FLNA: variants seen among roughly 807,000 people sequenced by gnomAD.
FLNA encodes the protein filamin-A.
FLNA carries 7 observed loss-of-function variants against 157.6 expected under a neutral mutation model. That is an observed-to-expected ratio of 0.04 (90% CI 0.03 to 0.08). The LOEUF (loss-of-function observed/expected upper bound fraction) is 0.08. FLNA is among the 10% of genes least tolerant of loss of function. The probability of loss-of-function intolerance (pLI) is 1.00; values close to 1 mark genes in which losing one functional copy is unlikely to be tolerated. For synonymous variants in FLNA, 1,103 were observed against 1,060.8 expected, an observed-to-expected ratio of 1.04 and a Z score of -0.77; for missense variants, 1,750 against 2,398.4, an observed-to-expected ratio of 0.73 and a Z score of 5.65.
intron 30 of FLNA, 125 bp from the exon 31 acceptor site, chrX:154,355,197 G>A: frequency 1.3e-6 from 1 of 754,740 alleles, no homozygotes; most frequent in South Asian, 2.7e-5. Context: ...AGGCCGCCAG[G>A]CCTCCTGCCC....
At position 154,367,969 on chromosome X, in the gene FLNA, C is replaced by T. The variant is rs1569551873; in HGVS notation, c.495G>A (p.Lys165=). The T allele has an allele frequency of 2.5e-6, 3 of 1,211,337 alleles. No homozygotes were observed. The highest frequency in any genetic ancestry group is 2.2e-5 in the Admixed American group (1 of 46,082). ...CCAGGAGCCTCTGCTTGGGGGTCTG[C>T]TTCTTGGCCTCCTCATCCTCCTCCT... ...WDEEEDEEAK[K]QTPKQRLLGW... Residue 165 remains lysine, a synonymous_variant, in exon 3 of 48, where the codon AAG becomes AAA. Transcript: ENST00000369850.
chrX:154,369,766 C>G (rs1407864004), intron 2 of FLNA, among the ~76,000 whole-genome samples: 14 of 111,720 alleles, frequency 1.3e-4, no homozygotes, highest in African/African-American at 4.6e-4. Context: ...GAGGCTGGGA[C>G]TTGTGGGGGT....
chrX:154,356,130 T>C (rs1297705001), intron 30 of FLNA, among the ~76,000 whole-genome samples: 3 of 112,198 alleles, frequency 2.7e-5, no homozygotes, highest in Admixed American at 1.9e-4. Context: ...ATCTAGTTAG[T>C]GGCTTGGGCC....
At chrX:154,365,970 G>A (rs1418339762) in intron 9 of FLNA, 54 bp downstream of exon 9, 2 of 1,119,609 alleles carry the variant, frequency 1.8e-6, no homozygotes, top group African/African-American at 3.6e-5. Context: ...TCCCCCTCCT[G>A]TGGGAGGCCC....
chrX:154,364,954 G>A lies in FLNA; in HGVS notation c.1695C>T (p.Pro565=). ...ACTCGGTGCCCACCTTCACTTCGAA[G>A]GGACTGCAAATGCGAGAGCCACACA... ...TWGGQNIGRS[P]FEVKVGTECG... The change falls in exon 12 of 48, where the codon CCC becomes CCT. Residue 565 remains proline, a synonymous_variant. Coordinates refer to ENST00000369850, the MANE Select transcript of FLNA (RefSeq NM_001110556.2). 8.3e-7 allele frequency: 1 copy of A among 1,211,434 alleles called. No homozygotes were observed. Among genetic ancestry groups the A allele is most frequent in the Non-Finnish European group, 1.1e-6 (1 of 895,564 alleles).
chrX:154,366,492 G>A (rs372479866), intron 7 of FLNA, 22 bp from the exon 8 acceptor site: 165 of 1,209,291 alleles, frequency 1.4e-4, no homozygotes, highest in Admixed American at 5.2e-4. Context: ...AGGGTGGGCC[G>A]TGAGGGTAGG....
At chrX:154,356,134 T>C (rs1387377364) in intron 30 of FLNA, among the ~76,000 whole-genome samples, 1 of 111,997 alleles carries the variant, frequency 8.9e-6, no homozygotes, top group Non-Finnish European at 1.9e-5. Context: ...AGTTAGTGGC[T>C]TGGGCCCCAA....
chrX:154,355,031 C>T lies in FLNA; in HGVS notation c.5011G>A (p.Val1671Met), dbSNP rs782670906. The change falls in exon 31 of 48, where the codon GTG becomes ATG. Residue 1671 changes from valine (V) to methionine (M), a missense_variant. By Grantham distance (21) the Val-to-Met change is conservative. Transcript: ENST00000369850. ...GCCGCCTTAGTGTCCACAGTGATCACCGTCTCCTCCCCAATCTGAATGGTG... is the reference window on the plus strand; with the variant it reads ...GCCGCCTTAGTGTCCACAGTGATCATCGTCTCCTCCCCAATCTGAATGGTG... The part of the protein sequence containing the change: ...GPTIQIGEET[V>M]ITVDTKAAGK... 8 of 1,210,348 alleles carry T rather than the reference C, an allele frequency of 6.6e-6. No homozygotes were observed. Among genetic ancestry groups the T allele is most frequent in the Non-Finnish European group, 7.8e-6 (7 of 894,170 alleles).
In FLNA at chrX:154,350,949, T is replaced by G. The variant is rs781787371; in HGVS notation, c.7116A>C (p.Ser2372=). The G allele has an allele frequency of 5.0e-6, 6 of 1,210,704 alleles. No homozygotes were observed. Among genetic ancestry groups the G allele is most frequent in the Non-Finnish European group, 6.7e-6 (6 of 894,311 alleles). Residue 2372 remains serine, a synonymous_variant, in exon 44 of 48, where the codon TCA becomes TCC. Transcript: ENST00000369850. ...TGACATAGCACTCCTCCAGGGCTCC[T>G]GAGGGGCTGTGCACCTTGGCATCGA... is the stretch of plus-strand genomic sequence containing the variant. ...GAIDAKVHSP[S]GALEECYVTE...
intron 26 of FLNA, 98 bp from the exon 27 acceptor site, chrX:154,358,666 C>A: frequency 9.5e-7 from 1 of 1,048,944 alleles, no homozygotes; most frequent in Non-Finnish European, 1.3e-6. Flanking sequence ...CAGGCCTAGA[C>A]CTCGCTTTAT....
chrX:154,361,046 C>CAAA (rs59672916), intron 21 of FLNA, among the ~76,000 whole-genome samples: 2,149 of 20,219 alleles, frequency 0.11, 89 homozygotes, highest in Non-Finnish European at 0.14. Context: ...GACTCTTTCT[C>CAAA]AAAAAAAAAA....
In FLNA at chrX:154,348,981, G is replaced by A. The variant is rs1603358271; in HGVS notation, c.7812C>T (p.Ile2604=). ...VHGPRTPCEE[I]LVKHVGSRLY... is the part of the protein sequence containing the mutation. The stretch of plus-strand genomic sequence containing the variant: ...GCCGGCTGCCCACGTGCTTCACCAG[G>A]ATCTCCTCGCAGGGGGTCCTTGGGC... The change falls in exon 48 of 48, where the codon ATC becomes ATT. Residue 2604 remains isoleucine (I), a synonymous_variant. Transcript: ENST00000369850. The A allele has an allele frequency of 1.7e-6, 2 of 1,211,403 alleles. No homozygotes were observed. The highest frequency in any genetic ancestry group is 2.2e-6 in the Non-Finnish European group (2 of 895,356).
At chrX:154,369,647 TGGGAGGA>T (rs1455864226) in intron 2 of FLNA, among the ~76,000 whole-genome samples, 7 of 111,518 alleles carry the variant, frequency 6.3e-5, no homozygotes, top group African/African-American at 2.0e-4. Flanking sequence ...GGAGGGGAGC[TGGGAGGA>T]GGGAGGAGAC....
At chrX:154,363,302 G>T (rs5945419) in intron 15 of FLNA, among the ~76,000 whole-genome samples, 20,379 of 110,706 alleles carry the variant, frequency 0.18, 1,523 homozygotes, top group South Asian at 0.55. Context: ...TGCAATCCCA[G>T]CTACTCAGGA....
In FLNA at chrX:154,348,709, G is replaced by A. The variant is rs1232684669; in HGVS notation, c.*140C>T. Reference sequence around the variant, plus strand: ...CGGCTGGCTGGGGAGGCAGGTGAGCGCAGCACGGCACAGGGCAGGGGCGGC... The same window carrying A: ...CGGCTGGCTGGGGAGGCAGGTGAGCACAGCACGGCACAGGGCAGGGGCGGC... On this transcript the variant is annotated 3_prime_UTR_variant, in exon 48 of 48. Coordinates refer to ENST00000369850, the MANE Select transcript of FLNA (RefSeq NM_001110556.2). 13 of 530,993 alleles carry A rather than the reference G, an allele frequency of 2.4e-5. No homozygotes were observed. The highest frequency in any genetic ancestry group is 4.1e-5 in the Admixed American group (1 of 24,503). 43.8% of individuals were successfully genotyped at this position (530,993 alleles called of 1,213,427 possible). A position where few individuals can be genotyped will look rare whatever the true frequency, so the allele number is the denominator to read the frequency against.
At chrX:154,371,442 TG>T (rs1182204842) in intron 1 of FLNA, 81 bp from the exon 2 acceptor site, 2 of 359,321 alleles carry the variant, frequency 5.6e-6, no homozygotes, top group Non-Finnish European at 9.2e-6. Context: ...GGCCGTGGGG[TG>T]GGGCTTCGAG....
chrX:154,353,850 C>A (rs1436982891), intron 35 of FLNA, 65 bp downstream of exon 35: 2 of 1,201,445 alleles, frequency 1.7e-6, no homozygotes, highest in Non-Finnish European at 2.3e-6. Flanking sequence ...TCTCCTGAGT[C>A]CAGCCCTTAC....
Position 154,350,913 on chromosome X carries a change from G to C in FLNA, c.7152C>G (p.Asp2384Glu). The change falls in exon 44 of 48, where the codon GAC becomes GAG. Residue 2384 changes from aspartate (D) to glutamate (E), a missense_variant. Physicochemically the swap from Asp to Glu is conservative, Grantham distance 45. Transcript: ENST00000369850. Reference sequence around the variant, plus strand: ...CGGGCAGGGACAGGGCCTCACCTTGGTCAATTTCTGTGACATAGCACTCCT... The same window carrying C: ...CGGGCAGGGACAGGGCCTCACCTTGCTCAATTTCTGTGACATAGCACTCCT... The part of the protein sequence containing the change: ...ALEECYVTEI[D>E]QDKYAVRFIP... 1 of 1,211,220 alleles carries C rather than the reference G, an allele frequency of 8.3e-7. No individual in the cohort carries two copies. Among genetic ancestry groups the C allele is most frequent in the Non-Finnish European group, 1.1e-6 (1 of 894,949 alleles).
intron 28 of FLNA, 76 bp downstream of exon 28, chrX:154,358,123 C>G (rs1378222713): frequency 9.1e-7 from 1 of 1,098,850 alleles, no homozygotes; most frequent in African/African-American, 1.8e-5. Flanking sequence ...GCAGGGAGAT[C>G]AGACACCAGC....
Sources: gnomAD v4.1 joint callset for allele counts (sites outside exome capture counted in the v4.1 genomes callset) on GRCh38, gnomAD v4.1.1 for gene constraint, MANE v1.5 for transcripts, NCBI Gene and HGNC (gene_info 2026-07-23, HGNC 2026-07-21) for gene names.